The following TMF1 variants were observed in gnomAD, a reference collection of about 807,000 sequenced individuals.
TMF1 encodes the protein TATA element modulatory factor 1.
In TMF1, 71 loss-of-function variants were observed where a neutral mutation model predicts 126.5. The observed-to-expected ratio is 0.56, with a 90% CI of 0.46 to 0.68. The LOEUF is 0.68. Among genes scored for constraint, TMF1 ranks in the 30% least tolerant of loss-of-function variants. The pLI is 0.00. For synonymous variants in TMF1, 461 were observed against 430.5 expected (o/e 1.07, Z -0.88); for missense variants, 1,259 against 1,253.2 (o/e 1.00, Z -0.07).
intron 10 of TMF1, 158 bp from the exon 11 acceptor site, chr3:69,030,165 A>T: frequency 1.9e-6 from 1 of 532,596 alleles, no homozygotes; most frequent in Non-Finnish European, 3.2e-6. Flanking sequence ...GAGACAAATG[A>T]ACCAATCTTA....
chr3:69,022,364 T>C lies in TMF1; in HGVS notation c.*813A>G, dbSNP rs967384649. 2 of 152,344 alleles carry C rather than the reference T, an allele frequency of 1.3e-5. No homozygotes were observed. Among genetic ancestry groups the C allele is most frequent in the Non-Finnish European group, 2.9e-5 (2 of 68,006 alleles). The allele number at this position is 152,344 out of a possible 1,614,324, so 9.4% of individuals were successfully genotyped here. A position where few individuals can be genotyped will look rare whatever the true frequency, so the allele number is the denominator to read the frequency against. On this transcript the variant is annotated 3_prime_UTR_variant, in exon 17 of 17. Transcript: ENST00000398559. The stretch of plus-strand genomic sequence containing the variant: ...GAACTTTATTATTTTCGATTCATTT[T>C]ATAGGGTAGTAAAATAATACTTCTT...
chr3:69,045,622 A>G (rs984573588), intron 2 of TMF1, among the ~76,000 whole-genome samples: 4 of 152,026 alleles, frequency 2.6e-5, no homozygotes, highest in Admixed American at 2.6e-4. Flanking sequence ...TCTACAAAAA[A>G]TACAAAAATT....
chr3:69,046,281 T>C (rs1349553284), intron 2 of TMF1, among the ~76,000 whole-genome samples: 2 of 112,238 alleles, frequency 1.8e-5, no homozygotes, highest in East Asian at 2.3e-4. Context: ...GTAGGAAGGG[T>C]TCCTTTTTGG....
At chr3:69,032,383 T>C (rs2091807823) in intron 10 of TMF1, among the ~76,000 whole-genome samples, 2 of 152,198 alleles carry the variant, frequency 1.3e-5, no homozygotes, top group South Asian at 4.1e-4. Context: ...CTGACTCATA[T>C]TTAGGTCTGA....
At chr3:69,025,416 T>C (rs1239876224) in intron 15 of TMF1, 144 bp downstream of exon 15, 4 of 679,460 alleles carry the variant, frequency 5.9e-6, no homozygotes, top group East Asian at 5.5e-5. Flanking sequence ...TTATCATTGA[T>C]ATATGTGATA....
At position 69,038,955 on chromosome 3, in the gene TMF1, G is replaced by T; in HGVS notation, c.1882C>A (p.Leu628Ile). Residue 628 changes from leucine to isoleucine, a missense_variant, in exon 7 of 17, where the codon CTA (leucine) becomes ATA (isoleucine). Transcript: ENST00000398559. ...EKQHRENIKK[L>I]NSMVERQEKD... ...TCTTGGCGTTCTACCATGGAATTTA[G>T]TTTTTTAATATTTTCTCTATGTTGT... 1 of 1,609,700 alleles carries T rather than the reference G, an allele frequency of 6.2e-7. No homozygotes were observed. The highest frequency in any genetic ancestry group is 1.1e-5 in the South Asian group (1 of 90,060).
intron 1 of TMF1, among the ~76,000 whole-genome samples, chr3:69,050,045 AG>A (rs1303046733): frequency 1.3e-5 from 2 of 152,042 alleles, no homozygotes; most frequent in East Asian, 3.9e-4. Flanking sequence ...GGACCACCTG[AG>A]GTCAGGAGTT....
rs367577890 is a variant in TMF1, at chr3:69,035,088, G to A, written c.2179C>T (p.Arg727Cys). The A allele has an allele frequency of 1.5e-5, 25 of 1,614,072 alleles. No homozygotes were observed. In the Middle Eastern group the frequency reaches 4.9e-4, roughly 32 times the overall value. ...TTTCTGGCAGCCGCTTGTTCTGTAC[G>A]CTGCAATGCAAGCCTAAGGTCCCCC... ...QVGDLRLALQRTEQAAARKED... is the reference protein window; with the variant it reads ...QVGDLRLALQCTEQAAARKED... Residue 727 changes from arginine (R) to cysteine (C), a missense_variant, in exon 9 of 17, where the codon CGT (arginine) becomes TGT (cysteine). Transcript: ENST00000398559.
Position 69,035,039 on chromosome 3 carries a change from A to T in TMF1, c.2228T>A (p.Ile743Asn), listed in dbSNP as rs772589423. 6.2e-7 allele frequency: 1 copy of T among 1,614,092 alleles called. No homozygotes were observed. The highest frequency in any genetic ancestry group is 8.5e-7 in the Non-Finnish European group (1 of 1,179,976). ...ARKEDYLRHEIGELQQRLQEA... is the reference protein window; with the variant it reads ...ARKEDYLRHENGELQQRLQEA... ...TGACAGTACCTGCTGAAGTTCACCGATCTCATGGCGTAAATAATCCTCCTT... is the reference window on the plus strand; with the variant it reads ...TGACAGTACCTGCTGAAGTTCACCGTTCTCATGGCGTAAATAATCCTCCTT... The change falls in exon 9 of 17, where the codon ATC becomes AAC. Residue 743 changes from isoleucine to asparagine, a missense_variant. Transcript: ENST00000398559.
intron 13 of TMF1, 61 bp downstream of exon 13, chr3:69,027,839 G>A (rs2091778453): frequency 1.2e-6 from 1 of 845,718 alleles, no homozygotes; most frequent in East Asian, 2.6e-5. Context: ...AAAAAGCAAT[G>A]ATTAATCACA....
chr3:69,036,698 C>T (rs1231965150), intron 8 of TMF1, among the ~76,000 whole-genome samples: 1 of 152,180 alleles, frequency 6.6e-6, no homozygotes, highest in South Asian at 2.1e-4. Context: ...TTTACACATA[C>T]AAAACTTAAA....
At chr3:69,034,201 G>A (rs552322263) in intron 9 of TMF1, among the ~76,000 whole-genome samples, 13 of 152,288 alleles carry the variant, frequency 8.5e-5, no homozygotes, top group Admixed American at 2.6e-4. Flanking sequence ...GGCCAGGCAC[G>A]GTGGCTCATG....
rs748810761 is a variant in TMF1 at position 69,025,659 on chromosome 3, G to A, written c.2913C>T (p.Ser971=). 1.2e-6 allele frequency: 2 copies of A among 1,613,908 alleles called. No individual in the cohort carries two copies. Among genetic ancestry groups the A allele is most frequent in the East Asian group, 2.2e-5 (1 of 44,846 alleles). The part of the protein sequence containing the change: ...FGPMPISANG[S]NLYDAVRMGA... ...CCATCCTTACAGCATCATAAAGATT[G>A]CTTCCATTTGCTGATATAGGCATTG... Residue 971 remains serine (S), a synonymous_variant, in exon 15 of 17, where the codon AGC becomes AGT. Coordinates refer to ENST00000398559, the MANE Select transcript of TMF1 (RefSeq NM_007114.3).
Position 69,047,757 on chromosome 3 carries a change from ACTCTCAGTG to A in TMF1, c.939_947del (p.Thr314_Ser316del), listed in dbSNP as rs1339085574. The A allele has an allele frequency of 6.2e-7, 1 of 1,614,094 alleles. No homozygotes were observed. The highest frequency in any genetic ancestry group is 8.5e-7 in the Non-Finnish European group (1 of 1,180,012). The stretch of plus-strand genomic sequence containing the variant: ...TTTCAAAAGCATCAGATGAACAGCA[ACTCTCAGTG>A]AGTTTTTGGAAATCATCTAAACGAT... On this transcript the variant is annotated inframe_deletion, in exon 2 of 17. Transcript: ENST00000398559.
At chr3:69,034,215 G>A (rs746796691) in intron 9 of TMF1, among the ~76,000 whole-genome samples, 11 of 152,184 alleles carry the variant, frequency 7.2e-5, no homozygotes, top group Non-Finnish European at 1.5e-4. Context: ...GCTCATGTGT[G>A]TAATCCCAGC....
At chr3:69,026,809 A>G (rs2091770053) in intron 13 of TMF1, among the ~76,000 whole-genome samples, 1 of 152,174 alleles carries the variant, frequency 6.6e-6, no homozygotes, top group African/African-American at 2.4e-5. Context: ...TCTGTAACAT[A>G]AAATTACTAA....
At position 69,022,100 on chromosome 3, in the gene TMF1, C is replaced by T. The variant is rs1161991196; in HGVS notation, c.*1077G>A. 1 of 152,630 alleles carries T rather than the reference C, an allele frequency of 6.6e-6. No individual in the cohort carries two copies. Among genetic ancestry groups the T allele is most frequent in the African/African-American group, 2.4e-5 (1 of 41,450 alleles). 9.5% of individuals were successfully genotyped at this position (152,630 alleles called of 1,614,324 possible). A position where few individuals can be genotyped will look rare whatever the true frequency, so the allele number is the denominator to read the frequency against. On this transcript the variant is annotated 3_prime_UTR_variant, in exon 17 of 17. Transcript: ENST00000398559. ...CTGGTTACCTTTTTGAATAAAATAACATTTGGAAGAAGGCATAGCTACTTT... is the reference window on the plus strand; with the variant it reads ...CTGGTTACCTTTTTGAATAAAATAATATTTGGAAGAAGGCATAGCTACTTT...
At position 69,026,067 on chromosome 3, in the gene TMF1, G is replaced by A. The variant is rs1464272042; in HGVS notation, c.2788C>T (p.Pro930Ser). The change falls in exon 14 of 17, where the codon CCC (proline) becomes TCC (serine). Residue 930 changes from proline (P) to serine (S), a missense_variant. By Grantham distance (74) the Pro-to-Ser change is moderately conservative. Coordinates refer to ENST00000398559, the MANE Select transcript of TMF1 (RefSeq NM_007114.3). ...ATTGAACTTGAGCGTGACATGGTGG[G>A]AGTGCTAGAAACAGAAAATGGCTTG... ...ERKPFSVSST[P>S]TMSRSSSISG... The A allele has an allele frequency of 6.2e-7, 1 of 1,614,068 alleles. No individual in the cohort carries two copies. The highest frequency in any genetic ancestry group is 1.7e-5 in the Admixed American group (1 of 60,018).
At chr3:69,050,259 C>CAA (rs561794015) in intron 1 of TMF1, among the ~76,000 whole-genome samples, 14 of 71,676 alleles carry the variant, frequency 2.0e-4, no homozygotes, top group African/African-American at 4.0e-4. Flanking sequence ...GACTGTGTCT[C>CAA]AAAAAAAAAA....
Sources: allele counts gnomAD v4.1 joint callset (sites outside exome capture counted in the v4.1 genomes callset), GRCh38; gene constraint gnomAD v4.1.1; transcripts MANE v1.5; gene names NCBI Gene and HGNC (gene_info 2026-07-23, HGNC 2026-07-21).